Variants in ZBTB8OS observed in about 807,000 individuals in gnomAD.
ZBTB8OS encodes tRNA-splicing ligase-activating factor archease.
Under a neutral mutation model 29.3 loss-of-function variants are expected in ZBTB8OS, and 16 were observed. The observed-to-expected ratio is 0.55, with a 90% CI of 0.37 to 0.83. The LOEUF (loss-of-function observed/expected upper bound fraction) is 0.83. Among genes scored for constraint, ZBTB8OS ranks in the 40% least tolerant of loss-of-function variants. The pLI is 0.00. For synonymous variants in ZBTB8OS, 70 were observed against 64.6 expected (o/e 1.08, Z -0.40); for missense variants, 160 against 196.9 (o/e 0.81, Z 1.12).
chr1:32,648,541 AG>A (rs1647026703), intron 1 of ZBTB8OS, among the ~76,000 whole-genome samples: 1 of 152,228 alleles, frequency 6.6e-6, no homozygotes, highest in Non-Finnish European at 1.5e-5. Context: ...TGTAAGAAAA[AG>A]GTAACGATGA....
chr1:32,649,293 G>A (rs1390107312), intron 1 of ZBTB8OS, among the ~76,000 whole-genome samples: 1 of 152,020 alleles, frequency 6.6e-6, no homozygotes, highest in African/African-American at 2.4e-5. Context: ...TTGTTTTTAA[G>A]TGAGAGAAGG....
At position 32,641,826 on chromosome 1, in the gene ZBTB8OS, C is replaced by A. The variant is rs548945483; in HGVS notation, c.98-7034G>T. On this transcript the variant is annotated intron_variant, in intron 1 of 6. Coordinates refer to ENST00000468695, the MANE Select transcript of ZBTB8OS (RefSeq NM_178547.5). Reference sequence around the variant, plus strand: ...GTCCCAGCTACTCAGGAGGCTGAGGCGGGAGAATGGCGTGAACCCGGGAGA... The same window carrying A: ...GTCCCAGCTACTCAGGAGGCTGAGGAGGGAGAATGGCGTGAACCCGGGAGA... Among the ~76,000 whole-genome samples the A allele has an allele frequency of 3.3e-5, 5 of 151,424 alleles. No individual in the cohort carries two copies. In the South Asian group the frequency reaches 6.3e-4, roughly 19 times the overall value.
chr1:32,650,783 A>C, upstream of ZBTB8OS: 1 of 591,244 alleles, frequency 1.7e-6, no homozygotes, highest in South Asian at 2.3e-5. Flanking sequence ...GTTGAAGGGC[A>C]CCTTGAATGA....
At chr1:32,640,788 C>A (rs1430520369) in intron 1 of ZBTB8OS, among the ~76,000 whole-genome samples, 1 of 152,078 alleles carries the variant, frequency 6.6e-6, no homozygotes, top group Non-Finnish European at 1.5e-5. Flanking sequence ...AGATTAAGCT[C>A]ATCAGGCCTG....
intron 1 of ZBTB8OS, among the ~76,000 whole-genome samples, chr1:32,646,655 AT>A (rs1646859463): frequency 6.6e-6 from 1 of 151,656 alleles, no homozygotes; most frequent in South Asian, 2.1e-4. Flanking sequence ...CTATTTTCAA[AT>A]GTATAAAAAA....
Position 32,621,385 on chromosome 1 carries a change from C to G in ZBTB8OS, c.*477G>C, listed in dbSNP as rs1253914405. 7.2e-6 allele frequency: 1 copy of G among 139,304 alleles called. No individual in the cohort carries two copies. The highest frequency in any genetic ancestry group is 1.5e-5 in the Non-Finnish European group (1 of 67,082). The allele number at this position is 139,304 out of a possible 1,614,324, so 8.6% of individuals were successfully genotyped here. On this transcript the variant is annotated 3_prime_UTR_variant, in exon 7 of 7. Transcript: ENST00000468695. ...CTGCGCTTCAGCCTGGGCTACAGAG[C>G]GAGACTCCGTCTCAAAAAAAAAAAA...
chr1:32,640,983 G>A (rs1226952674), intron 1 of ZBTB8OS, among the ~76,000 whole-genome samples: 5 of 126,336 alleles, frequency 4.0e-5, no homozygotes, highest in South Asian at 5.1e-4. Context: ...TGGCCAACAC[G>A]GTGAAACCCT....
rs1431828411 is a variant in ZBTB8OS at position 32,650,428 on chromosome 1, C to T, written c.97+5G>A. The T allele has an allele frequency of 6.2e-7, 1 of 1,614,060 alleles. No individual in the cohort carries two copies. The highest frequency in any genetic ancestry group is 1.3e-5 in the African/African-American group (1 of 74,932). On this transcript the variant is annotated splice_donor_5th_base_variant and intron_variant, in intron 1 of 6. Transcript: ENST00000468695. Reference sequence around the variant, plus strand: ...TGTAAAGAGAGAAGTAAGCCACCTACTCACACTCGTACTTCCTATTGACTG... The same window carrying T: ...TGTAAAGAGAGAAGTAAGCCACCTATTCACACTCGTACTTCCTATTGACTG...
chr1:32,636,454 G>A (rs1220776878), intron 1 of ZBTB8OS, among the ~76,000 whole-genome samples: 1 of 152,160 alleles, frequency 6.6e-6, no homozygotes, highest in Non-Finnish European at 1.5e-5. Context: ...ACTTCGGGAG[G>A]CCGAGGCAGG....
intron 1 of ZBTB8OS, among the ~76,000 whole-genome samples, chr1:32,645,119 C>T (rs1404584471): frequency 6.6e-6 from 1 of 151,754 alleles, no homozygotes; most frequent in Non-Finnish European, 1.5e-5. Flanking sequence ...GAGGAGGTTG[C>T]AGTGAGCCGA....
At chr1:32,631,961 T>C in intron 4 of ZBTB8OS, 82 bp from the exon 5 acceptor site, 1 of 750,510 alleles carries the variant, frequency 1.3e-6, no homozygotes, top group Non-Finnish European at 2.0e-6. Context: ...TGTTTTGTTT[T>C]TTTGGACCAT....
At chr1:32,650,379 A>C in intron 1 of ZBTB8OS, 54 bp downstream of exon 1, 2 of 1,608,280 alleles carry the variant, frequency 1.2e-6, no homozygotes, top group Non-Finnish European at 1.7e-6. Context: ...GCGGGTAAGG[A>C]GAGGGGATGC....
At chr1:32,637,213 T>C (rs951157136) in intron 1 of ZBTB8OS, among the ~76,000 whole-genome samples, 1 of 152,092 alleles carries the variant, frequency 6.6e-6, no homozygotes, top group Non-Finnish European at 1.5e-5. Context: ...CTGTTTTCAC[T>C]GCTCTGAGTA....
At chr1:32,627,486 A>C in intron 6 of ZBTB8OS, 22 bp downstream of exon 6, 1 of 1,612,182 alleles carries the variant, frequency 6.2e-7, no homozygotes, top group Non-Finnish European at 8.5e-7. Flanking sequence ...CATGTTCTTA[A>C]TGGCTGGATT....
intron 2 of ZBTB8OS, chr1:32,634,356 A>T (rs1645797380): frequency 3.3e-6 from 1 of 301,928 alleles, no homozygotes; most frequent in South Asian, 8.3e-5. Flanking sequence ...CCTCACAAGT[A>T]GCTGGGATTA....
rs1169131190 is a variant in ZBTB8OS at position 32,621,832 on chromosome 1, C to T, written c.*30G>A. On this transcript the variant is annotated 3_prime_UTR_variant, in exon 7 of 7. Transcript: ENST00000468695. ...AAGGAAGAGGAAAACAAAAACAGTT[C>T]TTCGTAGGAGTCTTTTATTTTTTGG... is the stretch of plus-strand genomic sequence containing the variant. 1 of 1,469,790 alleles carries T rather than the reference C, an allele frequency of 6.8e-7. No individual in the cohort carries two copies. Among genetic ancestry groups the T allele is most frequent in the Non-Finnish European group, 9.3e-7 (1 of 1,076,170 alleles). The allele number at this position is 1,469,790 out of a possible 1,614,324, so 91.0% of individuals were successfully genotyped here. A position where few individuals can be genotyped will look rare whatever the true frequency, so the allele number is the denominator to read the frequency against.
chr1:32,639,519 A>T (rs1379913267), intron 1 of ZBTB8OS, among the ~76,000 whole-genome samples: 2 of 151,972 alleles, frequency 1.3e-5, no homozygotes, highest in Non-Finnish European at 2.9e-5. Flanking sequence ...CAGCAACTGA[A>T]GAGGCTGAGG....
At chr1:32,646,336 A>AT (rs902817171) in intron 1 of ZBTB8OS, among the ~76,000 whole-genome samples, 4 of 150,502 alleles carry the variant, frequency 2.7e-5, no homozygotes, top group South Asian at 4.2e-4. Flanking sequence ...AAAAAAAAAG[A>AT]TTTTTTTTTC....
intron 4 of ZBTB8OS, 113 bp from the exon 5 acceptor site, chr1:32,631,992 CTTTTTTTTTTTTTT>C (rs71006345): frequency 2.6e-4 from 35 of 135,750 alleles, no homozygotes; most frequent in South Asian, 2.5e-3. Context: ...TTGGTAAAAC[CTTTTTTTTTTTTTT>C]TTTTTTTTTT....
Sources: allele counts gnomAD v4.1 joint callset (sites outside exome capture counted in the v4.1 genomes callset), GRCh38; gene constraint gnomAD v4.1.1; transcripts MANE v1.5; gene names NCBI Gene and HGNC (gene_info 2026-07-23, HGNC 2026-07-21).